The following STARD13 variants were observed in gnomAD, a reference collection of about 807,000 sequenced individuals.
The protein encoded by STARD13 is StAR related lipid transfer domain containing 13.
Under a neutral mutation model 106.4 loss-of-function variants are expected in STARD13, and 62 were observed. That is an observed-to-expected ratio of 0.58 (90% CI 0.48 to 0.72). The LOEUF (loss-of-function observed/expected upper bound fraction) is 0.72. STARD13 is among the 30% of genes least tolerant of loss of function. The pLI, the probability that STARD13 is intolerant of heterozygous loss-of-function variation, is 0.00. For missense variants in STARD13, 1,387 were observed against 1,424.0 expected, an observed-to-expected ratio of 0.97 and a Z score of 0.42; for synonymous variants, 565 against 553.0, an observed-to-expected ratio of 1.02 and a Z score of -0.31.
the STARD13 span, among the ~76,000 whole-genome samples, chr13:33,408,160 A>C: frequency 6.6e-6 from 1 of 152,040 alleles, no homozygotes; most frequent in Non-Finnish European, 1.5e-5. Flanking sequence ...AATTGTGGTA[A>C]CTACGCATAA....
At chr13:33,183,656 A>G (rs1391601602) in intron 1 of STARD13, among the ~76,000 whole-genome samples, 3 of 152,178 alleles carry the variant, frequency 2.0e-5, no homozygotes, top group Non-Finnish European at 4.4e-5. Flanking sequence ...TGGGTTTGGA[A>G]TAGTGCTGGG....
chr13:33,516,942 GA>G, the STARD13 span, among the ~76,000 whole-genome samples: 59,414 of 115,322 alleles, frequency 0.52, 13,421 homozygotes, highest in African/African-American at 0.66. Context: ...CCTTGTCTCA[GA>G]AAAAAAAAAA....
downstream of STARD13, among the ~76,000 whole-genome samples, chr13:33,346,451 C>T (rs1264634578): frequency 1.3e-5 from 2 of 152,128 alleles, no homozygotes; most frequent in South Asian, 4.1e-4. Flanking sequence ...GCTTAAATAG[C>T]TCTACTTCTT....
the STARD13 span, among the ~76,000 whole-genome samples, chr13:33,504,149 T>G: frequency 6.6e-6 from 1 of 152,168 alleles, no homozygotes; most frequent in African/African-American, 2.4e-5. Context: ...ACTTTTACAC[T>G]GTTGGTGGGA....
At chr13:33,349,090 G>A (rs1243858881) in exon 2 of STARD13, 1 of 701,920 alleles carries the variant, frequency 1.4e-6, no homozygotes, top group Non-Finnish European at 2.6e-6. Flanking sequence ...AAAGGGAGGA[G>A]TTCAAAGAAG....
At chr13:33,365,662 A>G in the STARD13 span, among the ~76,000 whole-genome samples, 1 of 152,288 alleles carries the variant, frequency 6.6e-6, no homozygotes, top group African/African-American at 2.4e-5. Flanking sequence ...TACTAAATAC[A>G]ATTCTTCAGG....
At chr13:33,137,775 G>A (rs1184975580) in intron 4 of STARD13, among the ~76,000 whole-genome samples, 1 of 152,212 alleles carries the variant, frequency 6.6e-6, no homozygotes. Flanking sequence ...ACAGTTTTAG[G>A]ACATTCGCAT....
At chr13:33,261,190 A>G (rs1395744253) in intron 1 of STARD13, among the ~76,000 whole-genome samples, 1 of 152,222 alleles carries the variant, frequency 6.6e-6, no homozygotes, top group Non-Finnish European at 1.5e-5. Flanking sequence ...TCCCCTGAGA[A>G]CACAGGGCAA....
At chr13:33,578,255 A>G in the STARD13 span, among the ~76,000 whole-genome samples, 1 of 152,166 alleles carries the variant, frequency 6.6e-6, no homozygotes, top group South Asian at 2.1e-4. Context: ...AAATTATACT[A>G]CAAGGCTACA....
At chr13:33,639,364 C>A in the STARD13 span, among the ~76,000 whole-genome samples, 13 of 152,176 alleles carry the variant, frequency 8.5e-5, no homozygotes, top group Non-Finnish European at 5.9e-5. Flanking sequence ...GTCTGGGAGA[C>A]GGATGATTCA....
At chr13:33,243,982 T>C (rs2138259977) in intron 1 of STARD13, among the ~76,000 whole-genome samples, 1 of 151,566 alleles carries the variant, frequency 6.6e-6, no homozygotes, top group East Asian at 1.9e-4. Flanking sequence ...TTACCTGAAA[T>C]GCTTGGAACC....
chr13:33,176,364 T>C (rs543928883), intron 1 of STARD13, among the ~76,000 whole-genome samples: 1 of 152,336 alleles, frequency 6.6e-6, no homozygotes, highest in East Asian at 1.9e-4. Flanking sequence ...TTTCTACTTG[T>C]CTGCTGAACG....
intron 1 of STARD13, among the ~76,000 whole-genome samples, chr13:33,269,855 C>T (rs993370446): frequency 2.0e-5 from 3 of 152,142 alleles, no homozygotes; most frequent in Non-Finnish European, 4.4e-5. Context: ...TATATACATT[C>T]GCTCACAGTG....
chr13:33,657,729 A>G, the STARD13 span, among the ~76,000 whole-genome samples: 14 of 152,240 alleles, frequency 9.2e-5, no homozygotes, highest in Non-Finnish European at 1.8e-4. Flanking sequence ...TTTGTAAGTC[A>G]GTGAGTAGTT....
In STARD13 at chr13:33,318,407, C is replaced by T. The variant is rs560021776; in HGVS notation, c.124+31883G>A. ...GCAAAAGAATGAAGTTAAACCCCTACCTTATAGCATATACACAAATAAACT... is the reference window on the plus strand; with the variant it reads ...GCAAAAGAATGAAGTTAAACCCCTATCTTATAGCATATACACAAATAAACT... On this transcript the variant is annotated intron_variant, in intron 1 of 5. Transcript: ENST00000567873. 2.6e-5 allele frequency among the ~76,000 whole-genome samples: 4 copies of T among 152,240 alleles called. No homozygotes were observed. The South Asian group carries it at 8.3e-4, about 32-fold the overall frequency.
intron 7 of STARD13, among the ~76,000 whole-genome samples, chr13:33,123,837 G>C (rs977249423): frequency 6.6e-6 from 1 of 152,200 alleles, no homozygotes; most frequent in Admixed American, 6.5e-5. Flanking sequence ...AGGGCCCATC[G>C]CACTGCAGGA....
At chr13:33,361,222 T>A in the STARD13 span, among the ~76,000 whole-genome samples, 3 of 151,936 alleles carry the variant, frequency 2.0e-5, no homozygotes, top group South Asian at 6.3e-4. Flanking sequence ...TTCCTTCTCA[T>A]CAGCTTACTC....
At chr13:33,276,509 G>A (rs1350686140) in intron 1 of STARD13, among the ~76,000 whole-genome samples, 2 of 151,962 alleles carry the variant, frequency 1.3e-5, no homozygotes, top group Non-Finnish European at 2.9e-5. Context: ...ATAATTTCAG[G>A]GTGGTATAAC....
chr13:33,633,835 G>C, the STARD13 span, among the ~76,000 whole-genome samples: 1 of 152,158 alleles, frequency 6.6e-6, no homozygotes, highest in African/African-American at 2.4e-5. Flanking sequence ...CCAGGGCGGT[G>C]TTATTAAATG....
Sources: allele counts gnomAD v4.1 joint callset (sites outside exome capture counted in the v4.1 genomes callset), GRCh38; gene constraint gnomAD v4.1.1; transcripts MANE v1.5; gene names NCBI Gene and HGNC (gene_info 2026-07-23, HGNC 2026-07-21).